The following CCDC149 variants were observed in gnomAD, a reference collection of about 807,000 sequenced individuals.
The protein encoded by CCDC149 is coiled-coil domain-containing protein 149.
Under a neutral mutation model 59.9 loss-of-function variants are expected in CCDC149, and 45 were observed. That is an observed-to-expected ratio of 0.75 (90% confidence interval 0.59 to 0.96). The LOEUF is 0.96. CCDC149 is among the 40% of genes least tolerant of loss of function. The probability of loss-of-function intolerance (pLI) is 0.00; values close to 1 mark genes in which losing one functional copy is unlikely to be tolerated. For synonymous variants in CCDC149, 245 were observed against 260.6 expected (o/e 0.94, Z 0.58); for missense variants, 584 against 664.7 (o/e 0.88, Z 1.33).
chr4:24,900,183 T>C (rs1326696329), intron 1 of CCDC149, among the ~76,000 whole-genome samples: 1 of 152,212 alleles, frequency 6.6e-6, no homozygotes, highest in African/African-American at 2.4e-5. Flanking sequence ...AAGGCAATTG[T>C]CACATGCAGA....
chr4:24,897,649 C>T (rs1720915406), intron 1 of CCDC149, among the ~76,000 whole-genome samples: 1 of 152,164 alleles, frequency 6.6e-6, no homozygotes, highest in African/African-American at 2.4e-5. Context: ...CTTACTCAAA[C>T]CCCAGCAAAT....
intron 1 of CCDC149, among the ~76,000 whole-genome samples, chr4:24,951,624 A>G (rs1299911943): frequency 6.6e-6 from 1 of 152,228 alleles, no homozygotes; most frequent in Non-Finnish European, 1.5e-5. Flanking sequence ...ATAACAATTT[A>G]TCCGACCAAA....
upstream of CCDC149, among the ~76,000 whole-genome samples, chr4:24,913,480 C>G (rs1489251337): frequency 6.6e-6 from 1 of 152,238 alleles, no homozygotes; most frequent in East Asian, 1.9e-4. Flanking sequence ...TTATTATATA[C>G]TTAGCATTGT....
At chr4:24,897,574 C>T (rs1049694202) in intron 1 of CCDC149, among the ~76,000 whole-genome samples, 2 of 152,120 alleles carry the variant, frequency 1.3e-5, no homozygotes, top group Non-Finnish European at 2.9e-5. Flanking sequence ...AGAGAGGTTG[C>T]TATGAGTTCT....
intron 2 of CCDC149, among the ~76,000 whole-genome samples, chr4:24,876,243 CATGA>C (rs1272361795): frequency 6.6e-6 from 1 of 151,708 alleles, no homozygotes; most frequent in Non-Finnish European, 1.5e-5. Flanking sequence ...TGCAAACACA[CATGA>C]ATATGTTCAC....
intron 1 of CCDC149, among the ~76,000 whole-genome samples, chr4:24,910,703 G>A (rs997250790): frequency 6.6e-6 from 1 of 152,118 alleles, no homozygotes; most frequent in Non-Finnish European, 1.5e-5. Context: ...GCCTAGCAAG[G>A]CTCAGACAAG....
intron 9 of CCDC149, among the ~76,000 whole-genome samples, chr4:24,826,696 A>G (rs943852019): frequency 4.6e-5 from 7 of 152,208 alleles, no homozygotes; most frequent in African/African-American, 1.7e-4. Context: ...CTTATTCTAG[A>G]AAGTGGTCAC....
intron 7 of CCDC149, 61 bp downstream of exon 7, chr4:24,836,370 TTAAAA>T: frequency 9.0e-7 from 1 of 1,106,884 alleles, no homozygotes; most frequent in African/African-American, 1.5e-5. Flanking sequence ...TAGAAGGGAA[TTAAAA>T]TAGAATGACG....
intron 12 of CCDC149, among the ~76,000 whole-genome samples, chr4:24,813,490 A>ATATATCTATATCTATC (rs1491293785): frequency 5.2e-4 from 1 of 1,934 alleles, no homozygotes; most frequent in African/African-American, 5.8e-4. Flanking sequence ...AGCTTGGGGA[A>ATATATCTATATCTATC]TATATATATA....
chr4:24,894,892 C>T (rs1720750583), intron 1 of CCDC149: 2 of 1,473,822 alleles, frequency 1.4e-6, no homozygotes, highest in Non-Finnish European at 1.8e-6. Flanking sequence ...AACAGAACCC[C>T]TCATGCCAGC....
rs185735756 is a variant in CCDC149 at position 24,811,493 on chromosome 4, C to T, written c.1193-2674G>A. ...TCTGTGAGCATGCTGTATTCGTTCC[C>T]TATGGCTCCTGTAACAACCACAAAC... is the stretch of plus-strand genomic sequence containing the variant. On this transcript the variant is annotated intron_variant, in intron 12 of 12. Transcript: ENST00000635206. Among the ~76,000 whole-genome samples the T allele has an allele frequency of 4.5e-4, 69 of 152,300 alleles. No homozygotes were observed. The East Asian group carries it at 0.011, about 25-fold the overall frequency.
At chr4:24,934,961 A>G (rs1722698091) in intron 1 of CCDC149, among the ~76,000 whole-genome samples, 2 of 152,238 alleles carry the variant, frequency 1.3e-5, no homozygotes, top group African/African-American at 4.8e-5. Context: ...ATGTGATGAG[A>G]ACCTCTCATA....
intron 1 of CCDC149, among the ~76,000 whole-genome samples, chr4:24,890,684 G>A (rs2109283775): frequency 6.6e-6 from 1 of 152,320 alleles, no homozygotes; most frequent in South Asian, 2.1e-4. Context: ...TCAAGATGAA[G>A]CTTCAACTCA....
intron 1 of CCDC149, among the ~76,000 whole-genome samples, chr4:24,933,035 G>A (rs572150758): frequency 6.6e-6 from 1 of 152,258 alleles, no homozygotes; most frequent in Admixed American, 6.5e-5. Context: ...TGCATGGTGA[G>A]GGCCAGTGAG....
intron 1 of CCDC149, among the ~76,000 whole-genome samples, chr4:24,947,417 T>G (rs774169258): frequency 6.6e-6 from 1 of 152,326 alleles, no homozygotes; most frequent in African/African-American, 2.4e-5. Flanking sequence ...TCCTGAGGCT[T>G]CCCCAGCCAT....
chr4:24,841,152 G>C (rs1393213174), intron 4 of CCDC149, among the ~76,000 whole-genome samples: 2 of 152,166 alleles, frequency 1.3e-5, no homozygotes, highest in Non-Finnish European at 2.9e-5. Context: ...GAGGGTCTAG[G>C]AACAAGAAAA....
intron 4 of CCDC149, among the ~76,000 whole-genome samples, chr4:24,840,135 GA>G (rs562331342): frequency 5.9e-5 from 9 of 152,288 alleles, no homozygotes; most frequent in African/African-American, 1.7e-4. Context: ...GATGACTAAA[GA>G]AAAGTAAAGT....
rs1446520554 is a variant in CCDC149, at chr4:24,923,256, T to C, written c.-64-28138A>G. Among the ~76,000 whole-genome samples the C allele has an allele frequency of 2.0e-5, 3 of 152,218 alleles. No individual in the cohort carries two copies. In the South Asian group the frequency reaches 6.2e-4, roughly 31 times the overall value. ...GGCCACAAGCCTAAACTGCAAACCT[T>C]GGTCAGCTATCTTACAAGTTCATTA... On this transcript the variant is annotated intron_variant, in intron 1 of 12. Coordinates refer to the CCDC149 transcript ENST00000389609.
intron 9 of CCDC149, chr4:24,829,967 G>A (rs920611051): frequency 6.5e-6 from 1 of 152,756 alleles, no homozygotes; most frequent in African/African-American, 2.4e-5. Flanking sequence ...GCAAAAGCCA[G>A]AAGAAGGGAG....
Sources: gnomAD v4.1 joint callset for allele counts (sites outside exome capture counted in the v4.1 genomes callset) on GRCh38, gnomAD v4.1.1 for gene constraint, MANE v1.5 for transcripts, NCBI Gene and HGNC (gene_info 2026-07-23, HGNC 2026-07-21) for gene names.